SLC7A11: variants seen among roughly 807,000 people sequenced by gnomAD.
SLC7A11 encodes the protein cystine/glutamate transporter.
A neutral mutation model predicts 54.5 loss-of-function variants in SLC7A11; 35 were observed. The observed-to-expected ratio is 0.64, with a 90% CI of 0.49 to 0.85. The LOEUF (loss-of-function observed/expected upper bound fraction) is 0.85. Ranked by LOEUF, SLC7A11 falls within the 40% of genes least tolerant of loss-of-function variation. The pLI is 0.00. For synonymous variants in SLC7A11, 230 were observed against 225.2 expected (o/e 1.02, Z -0.19); for missense variants, 583 against 618.1 (o/e 0.94, Z 0.60).
Position 138,170,248 on chromosome 4 carries a change from G to GTGTATATATATGTATATATATA in SLC7A11, c.*1707_*1708insTATATATATACATATATATACA, listed in dbSNP as rs1333700570. On this transcript the variant is annotated 3_prime_UTR_variant, in exon 12 of 12. Coordinates refer to ENST00000280612, the MANE Select transcript of SLC7A11 (RefSeq NM_014331.4). Reference sequence around the variant, plus strand: ...ATATATAAAAAGTGTGTGTGTGTGTGTGTATATATATATATATATATATAC... The same window carrying GTGTATATATATGTATATATATA: ...ATATATAAAAAGTGTGTGTGTGTGTGTGTATATATATGTATATATATATGTATATATATATATATATATATAC... 1 of 89,178 alleles carries GTGTATATATATGTATATATATA rather than the reference G, an allele frequency of 1.1e-5. No homozygotes were observed. Among genetic ancestry groups the GTGTATATATATGTATATATATA allele is most frequent in the African/African-American group, 3.9e-5 (1 of 25,320 alleles). 5.5% of individuals were successfully genotyped at this position (89,178 alleles called of 1,614,324 possible).
intron 6 of SLC7A11, among the ~76,000 whole-genome samples, chr4:138,185,671 A>G (rs1251188899): frequency 6.6e-6 from 1 of 152,130 alleles, no homozygotes; most frequent in Non-Finnish European, 1.5e-5. Context: ...ATCAGGCCAC[A>G]CTTTGAGAAC....
At chr4:138,204,490 A>T (rs1737360362) in intron 6 of SLC7A11, among the ~76,000 whole-genome samples, 1 of 152,050 alleles carries the variant, frequency 6.6e-6, no homozygotes, top group African/African-American at 2.4e-5. Flanking sequence ...TCTGTTTTGT[A>T]TCAACAGAAT....
rs532680022 is a variant in SLC7A11, at chr4:138,230,754, A to C, written c.520+1513T>G. Among the ~76,000 whole-genome samples, 5 of 152,300 alleles carry C rather than the reference A, an allele frequency of 3.3e-5. No individual in the cohort carries two copies. The South Asian group carries it at 1.0e-3, about 32-fold the overall frequency. On this transcript the variant is annotated intron_variant, in intron 3 of 11. Coordinates refer to ENST00000280612, the MANE Select transcript of SLC7A11 (RefSeq NM_014331.4). Reference sequence around the variant, plus strand: ...TTTTATCATTTTCCCACTGCCTGGAAATATACTGAAGATATCTAATCCTCC... The same window carrying C: ...TTTTATCATTTTCCCACTGCCTGGACATATACTGAAGATATCTAATCCTCC...
At chr4:138,186,132 T>G (rs1327098108) in intron 6 of SLC7A11, among the ~76,000 whole-genome samples, 2 of 152,150 alleles carry the variant, frequency 1.3e-5, no homozygotes, top group Admixed American at 6.6e-5. Flanking sequence ...CCCTAATAAT[T>G]TGATTCCACG....
chr4:138,168,817 A>AGGTCTACT lies in SLC7A11; in HGVS notation c.*3131_*3138dup, dbSNP rs1188956422. 6.6e-6 allele frequency: 1 copy of AGGTCTACT among 152,234 alleles called. No individual in the cohort carries two copies. Among genetic ancestry groups the AGGTCTACT allele is most frequent in the African/African-American group, 2.4e-5 (1 of 41,470 alleles). 9.4% of individuals were successfully genotyped at this position (152,234 alleles called of 1,614,324 possible). ...ACTCTTCTAAAGAAGGACAAGAATAAGGTCTACTTTCAGCTAACCATTTAT... is the reference window on the plus strand; with the variant it reads ...ACTCTTCTAAAGAAGGACAAGAATAAGGTCTACTGGTCTACTTTCAGCTAACCATTTAT... On this transcript the variant is annotated 3_prime_UTR_variant, in exon 12 of 12. Transcript: ENST00000280612.
chr4:138,214,940 G>C (rs1238838677), intron 5 of SLC7A11, among the ~76,000 whole-genome samples: 1 of 152,144 alleles, frequency 6.6e-6, no homozygotes, highest in African/African-American at 2.4e-5. Flanking sequence ...GCACGTGGGA[G>C]CCAGAGGGCA....
At chr4:138,202,851 C>T (rs1470203451) in intron 6 of SLC7A11, among the ~76,000 whole-genome samples, 1 of 152,114 alleles carries the variant, frequency 6.6e-6, no homozygotes, top group Non-Finnish European at 1.5e-5. Flanking sequence ...CTTCACAACA[C>T]CAGTGTGATG....
At chr4:138,221,325 A>C (rs1004363656) in intron 4 of SLC7A11, among the ~76,000 whole-genome samples, 9 of 152,216 alleles carry the variant, frequency 5.9e-5, no homozygotes, top group Non-Finnish European at 1.2e-4. Context: ...AACTCTCATA[A>C]GTGAATACAT....
At chr4:138,191,516 A>G (rs1384632584) in intron 6 of SLC7A11, among the ~76,000 whole-genome samples, 1 of 152,136 alleles carries the variant, frequency 6.6e-6, no homozygotes, top group African/African-American at 2.4e-5. Context: ...GGAAGGAGAA[A>G]AGTGCAGCAA....
chr4:138,203,529 T>G (rs1204821241), intron 6 of SLC7A11, among the ~76,000 whole-genome samples: 1 of 152,184 alleles, frequency 6.6e-6, no homozygotes, highest in East Asian at 1.9e-4. Flanking sequence ...AGCAGTTTAA[T>G]CCATATCTTT....
At chr4:138,237,771 G>A (rs1407325015) in intron 1 of SLC7A11, among the ~76,000 whole-genome samples, 2 of 30,910 alleles carry the variant, frequency 6.5e-5, no homozygotes, top group East Asian at 1.8e-3. Flanking sequence ...TTTTTTTTGA[G>A]ATGGAGTCTC....
intron 6 of SLC7A11, among the ~76,000 whole-genome samples, chr4:138,200,054 C>A (rs1230647244): frequency 6.6e-6 from 1 of 152,134 alleles, no homozygotes; most frequent in Non-Finnish European, 1.5e-5. Flanking sequence ...CTGTCTATCT[C>A]CCTCGTTTCT....
rs1578619204 is a variant in SLC7A11, at chr4:138,166,002, A to G, written c.*5954T>C. 6.6e-6 allele frequency: 1 copy of G among 152,148 alleles called. No homozygotes were observed. The highest frequency in any genetic ancestry group is 2.1e-4 in the South Asian group (1 of 4,824). 9.4% of individuals were successfully genotyped at this position (152,148 alleles called of 1,614,324 possible). Reference sequence around the variant, plus strand: ...GTAGTACTTGAAATAATTCATATACACAGTCATTTAACATAGATCGTTTCT... The same window carrying G: ...GTAGTACTTGAAATAATTCATATACGCAGTCATTTAACATAGATCGTTTCT... On this transcript the variant is annotated 3_prime_UTR_variant, in exon 12 of 12. Transcript: ENST00000280612.
intron 7 of SLC7A11, among the ~76,000 whole-genome samples, chr4:138,184,454 TATAAC>T (rs1011456107): frequency 7.9e-5 from 12 of 152,076 alleles, no homozygotes; most frequent in African/African-American, 2.7e-4. Context: ...ATAACAGTCT[TATAAC>T]ATGATCTTTG....
chr4:138,181,409 A>C (rs1292061827), intron 9 of SLC7A11, among the ~76,000 whole-genome samples: 4 of 152,104 alleles, frequency 2.6e-5, no homozygotes, highest in African/African-American at 7.2e-5. Flanking sequence ...AAGTCTCTGC[A>C]GCTGCACATG....
Position 138,231,757 on chromosome 4 carries a change from T to A in SLC7A11, c.520+510A>T, listed in dbSNP as rs186021608. Among the ~76,000 whole-genome samples the A allele has an allele frequency of 7.2e-5, 11 of 152,256 alleles. No homozygotes were observed. In the East Asian group the frequency reaches 2.1e-3, roughly 29 times the overall value. On this transcript the variant is annotated intron_variant, in intron 3 of 11. Transcript: ENST00000280612. Reference sequence around the variant, plus strand: ...ATTTGGAGACCATAAAGAAATCTAGTTAGAAAATACTACTAATAATCAATC... The same window carrying A: ...ATTTGGAGACCATAAAGAAATCTAGATAGAAAATACTACTAATAATCAATC...
chr4:138,230,604 C>G (rs1415507535), intron 3 of SLC7A11, among the ~76,000 whole-genome samples: 4 of 152,058 alleles, frequency 2.6e-5, no homozygotes, highest in African/African-American at 7.2e-5. Flanking sequence ...AATTGTAACA[C>G]CAAGCTTCAA....
In SLC7A11 at chr4:138,164,764, C is replaced by G. The variant is rs1339853303; in HGVS notation, c.*7192G>C. The G allele has an allele frequency of 1.3e-5, 2 of 152,214 alleles. No individual in the cohort carries two copies. Among genetic ancestry groups the G allele is most frequent in the South Asian group, 2.1e-4 (1 of 4,820 alleles). The allele number at this position is 152,214 out of a possible 1,614,324, so 9.4% of individuals were successfully genotyped here. A position where few individuals can be genotyped will look rare whatever the true frequency, so the allele number is the denominator to read the frequency against. On this transcript the variant is annotated 3_prime_UTR_variant, in exon 12 of 12. Coordinates refer to ENST00000280612, the MANE Select transcript of SLC7A11 (RefSeq NM_014331.4). ...GTTAGTTAGGATATTGAGGATCACT[C>G]TTTTTCAGCTGGATCTCTCTGTTCT...
intron 6 of SLC7A11, among the ~76,000 whole-genome samples, chr4:138,207,005 A>AAAC (rs1737425455): frequency 6.6e-6 from 1 of 151,070 alleles, no homozygotes; most frequent in Admixed American, 6.6e-5. Context: ...GCAAAAAAAA[A>AAAC]AAAAAAACCC....
Sources: gnomAD v4.1 joint callset for allele counts (sites outside exome capture counted in the v4.1 genomes callset) on GRCh38, gnomAD v4.1.1 for gene constraint, MANE v1.5 for transcripts, NCBI Gene and HGNC (gene_info 2026-07-23, HGNC 2026-07-21) for gene names.